The following ADAMTSL1 variants were observed in gnomAD, a reference collection of about 807,000 sequenced individuals.
The protein encoded by ADAMTSL1 is ADAMTS like 1.
In ADAMTSL1, 126 loss-of-function variants were observed where a neutral mutation model predicts 201.8. That is an observed-to-expected ratio of 0.62 (90% CI 0.54 to 0.72). The LOEUF (loss-of-function observed/expected upper bound fraction) is 0.72, where lower values mean the gene tolerates loss of function less well. Ranked by LOEUF, ADAMTSL1 falls within the 30% of genes least tolerant of loss-of-function variation. The probability of loss-of-function intolerance (pLI) is 0.00; values close to 1 mark genes in which losing one functional copy is unlikely to be tolerated. For missense variants in ADAMTSL1, 2,679 were observed against 2,277.8 expected (o/e 1.18, Z -3.59); for synonymous variants, 1,121 against 903.4 (o/e 1.24, Z -4.32).
intron 6 of ADAMTSL1, among the ~76,000 whole-genome samples, chr9:18,638,408 A>T (rs1291698922): frequency 1.3e-5 from 2 of 152,114 alleles, no homozygotes; most frequent in Non-Finnish European, 2.9e-5. Context: ...GGAACCCATT[A>T]GCCTTAGTCC....
intron 1 of ADAMTSL1, among the ~76,000 whole-genome samples, chr9:17,990,899 T>C (rs1381931167): frequency 1.3e-5 from 2 of 152,138 alleles, no homozygotes; most frequent in Non-Finnish European, 2.9e-5. Context: ...AGTAGGAAAC[T>C]TGTAGGTAGA....
At chr9:18,677,040 T>C (rs1291887246) in intron 10 of ADAMTSL1, among the ~76,000 whole-genome samples, 1 of 152,078 alleles carries the variant, frequency 6.6e-6, no homozygotes, top group African/African-American at 2.4e-5. Context: ...CACACATGTA[T>C]ATACACATCT....
intron 4 of ADAMTSL1, among the ~76,000 whole-genome samples, chr9:18,581,308 C>T (rs963718760): frequency 4.6e-5 from 7 of 152,270 alleles, no homozygotes; most frequent in Non-Finnish European, 1.0e-4. Context: ...ATTATGAATT[C>T]ATCTCAATTT....
rs529709895 is a variant in ADAMTSL1, at chr9:18,579,673, G to A, written c.474+5407G>A. 2.0e-4 allele frequency among the ~76,000 whole-genome samples: 30 copies of A among 152,196 alleles called. 1 individual carries two copies. The highest frequency in any genetic ancestry group is 6.5e-4 in the African/African-American group (27 of 41,512). On this transcript the variant is annotated intron_variant, in intron 4 of 28. Coordinates refer to ENST00000380548, the MANE Select transcript of ADAMTSL1 (RefSeq NM_001040272.6). ...GGGGCACTGACTTCCCAATGAATGAGCAGACCTTCTGTTAATTTCCTATTG... is the reference window on the plus strand; with the variant it reads ...GGGGCACTGACTTCCCAATGAATGAACAGACCTTCTGTTAATTTCCTATTG...
intron 7 of ADAMTSL1, among the ~76,000 whole-genome samples, chr9:18,649,905 A>G (rs1241604999): frequency 1.3e-5 from 2 of 152,126 alleles, no homozygotes; most frequent in Non-Finnish European, 2.9e-5. Flanking sequence ...TGGGAGAACC[A>G]CTGCTCTCTT....
chr9:18,272,718 C>G (rs1469719829), intron 2 of ADAMTSL1, among the ~76,000 whole-genome samples: 3 of 152,184 alleles, frequency 2.0e-5, no homozygotes, highest in Non-Finnish European at 2.9e-5. Context: ...AAATGGTTTT[C>G]CTAGACATTG....
intron 7 of ADAMTSL1, among the ~76,000 whole-genome samples, chr9:18,649,960 T>C (rs1026419509): frequency 6.6e-6 from 1 of 152,190 alleles, no homozygotes; most frequent in Non-Finnish European, 1.5e-5. Context: ...ACGTTACTGC[T>C]GTCTTTTTGT....
intron 1 of ADAMTSL1, among the ~76,000 whole-genome samples, chr9:18,084,576 G>T (rs1288860980): frequency 1.3e-5 from 2 of 151,860 alleles, no homozygotes; most frequent in African/African-American, 4.8e-5. Context: ...AATTCTCTTA[G>T]CTTTTCATTA....
intron 1 of ADAMTSL1, among the ~76,000 whole-genome samples, chr9:18,042,890 G>A (rs1563965842): frequency 6.6e-6 from 1 of 152,116 alleles, no homozygotes; most frequent in African/African-American, 2.4e-5. Flanking sequence ...CAAGACCTCT[G>A]CTTTAACCTT....
intron 7 of ADAMTSL1, among the ~76,000 whole-genome samples, chr9:18,656,489 C>T (rs1587817696): frequency 6.6e-6 from 1 of 151,868 alleles, no homozygotes; most frequent in East Asian, 1.9e-4. Flanking sequence ...ATTAGCCGGG[C>T]ATGGTGGCAG....
At chr9:18,672,835 C>A (rs1469958348) in intron 9 of ADAMTSL1, among the ~76,000 whole-genome samples, 1 of 152,062 alleles carries the variant, frequency 6.6e-6, no homozygotes, top group Non-Finnish European at 1.5e-5. Flanking sequence ...GGTGGGATGC[C>A]TTTTCTACTG....
At chr9:18,295,503 T>C (rs1380799354) in intron 2 of ADAMTSL1, among the ~76,000 whole-genome samples, 2 of 152,118 alleles carry the variant, frequency 1.3e-5, no homozygotes, top group African/African-American at 4.8e-5. Flanking sequence ...CATGTCCAGA[T>C]AATTTTTTGT....
At chr9:18,427,696 G>A (rs867288513) in intron 2 of ADAMTSL1, among the ~76,000 whole-genome samples, 1 of 152,226 alleles carries the variant, frequency 6.6e-6, no homozygotes, top group Non-Finnish European at 1.5e-5. Context: ...GACCTGCCTT[G>A]AGGCTTGAAG....
chr9:18,804,339 T>C (rs939899717), intron 20 of ADAMTSL1, among the ~76,000 whole-genome samples: 1 of 152,080 alleles, frequency 6.6e-6, no homozygotes, highest in South Asian at 2.1e-4. Context: ...AGACAAAGGG[T>C]ACAGGGTAAA....
intron 1 of ADAMTSL1, among the ~76,000 whole-genome samples, chr9:18,037,533 A>C (rs1821252223): frequency 6.6e-6 from 1 of 152,172 alleles, no homozygotes. Flanking sequence ...TATATTAAAT[A>C]AGTGTTAATG....
chr9:18,829,993 G>T lies in ADAMTSL1; in HGVS notation c.4249+16G>T. 6.3e-7 allele frequency: 1 copy of T among 1,593,764 alleles called. No individual in the cohort carries two copies. The highest frequency in any genetic ancestry group is 2.3e-5 in the East Asian group (1 of 43,828). On this transcript the variant is annotated intron_variant, in intron 23 of 28. Coordinates refer to ENST00000380548, the MANE Select transcript of ADAMTSL1 (RefSeq NM_001040272.6). ...GCTCTCCTTGGTGAGTCTAACCCTCGGAAACATTGGGCAGAAAGCCAGGAC... is the reference window on the plus strand; with the variant it reads ...GCTCTCCTTGGTGAGTCTAACCCTCTGAAACATTGGGCAGAAAGCCAGGAC...
intron 1 of ADAMTSL1, among the ~76,000 whole-genome samples, chr9:18,004,530 A>G (rs546388818): frequency 1.3e-5 from 2 of 152,172 alleles, no homozygotes; most frequent in South Asian, 4.1e-4. Flanking sequence ...GCACAGAGGT[A>G]AATTGCATGT....
chr9:18,694,141 A>C (rs374220604), intron 13 of ADAMTSL1, among the ~76,000 whole-genome samples: 1 of 152,174 alleles, frequency 6.6e-6, no homozygotes. Context: ...TCACGAGAAC[A>C]GCAAGGGAGA....
chr9:18,474,918 T>C (rs1280954168), intron 1 of ADAMTSL1, among the ~76,000 whole-genome samples: 1 of 152,210 alleles, frequency 6.6e-6, no homozygotes. Context: ...TGGTGACTTT[T>C]AGTACGGCTG....
Sources: allele counts gnomAD v4.1 joint callset (sites outside exome capture counted in the v4.1 genomes callset), GRCh38; gene constraint gnomAD v4.1.1; transcripts MANE v1.5; gene names NCBI Gene and HGNC (gene_info 2026-07-23, HGNC 2026-07-21).